SBNO1: variants seen among roughly 807,000 people sequenced by gnomAD.
The protein encoded by SBNO1 is protein strawberry notch homolog 1.
Under a neutral mutation model 173.6 loss-of-function variants are expected in SBNO1, and 23 were observed. The ratio of observed to expected loss-of-function variants is 0.13; its 90% CI spans 0.10 to 0.19. SBNO1 has a LOEUF of 0.19. SBNO1 is among the 10% of genes least tolerant of loss of function. The pLI, the probability that SBNO1 is intolerant of heterozygous loss-of-function variation, is 1.00. For missense variants in SBNO1, 1,238 were observed against 1,671.2 expected, an observed-to-expected ratio of 0.74 and a Z score of 4.52; for synonymous variants, 632 against 571.5, an observed-to-expected ratio of 1.11 and a Z score of -1.51.
At chr12:123,341,322 AC>A (rs1444773092) in intron 4 of SBNO1, among the ~76,000 whole-genome samples, 1 of 151,820 alleles carries the variant, frequency 6.6e-6, no homozygotes, top group Non-Finnish European at 1.5e-5. Flanking sequence ...GGTGGCGGGC[AC>A]CTGTAATCCC....
In SBNO1 at chr12:123,294,292, T is replaced by TA. The variant is rs2048553375; in HGVS notation, c.*1615dup. ...AGCTTTCAGCCAGGTTTGTCAGTTT[T>TA]AACACACATCTCACCCAATTCTGCA... is the stretch of plus-strand genomic sequence containing the variant. On this transcript the variant is annotated 3_prime_UTR_variant, in exon 32 of 32. Transcript: ENST00000602398. 6.6e-6 allele frequency: 1 copy of TA among 152,200 alleles called. No homozygotes were observed. The highest frequency in any genetic ancestry group is 1.5e-5 in the Non-Finnish European group (1 of 68,052). The allele number at this position is 152,200 out of a possible 1,614,324, so 9.4% of individuals were successfully genotyped here. A position where few individuals can be genotyped will look rare whatever the true frequency, so the allele number is the denominator to read the frequency against.
At chr12:123,305,102 A>C (rs2048881759) in intron 28 of SBNO1, among the ~76,000 whole-genome samples, 1 of 152,262 alleles carries the variant, frequency 6.6e-6, no homozygotes, top group Admixed American at 6.5e-5. Flanking sequence ...AGTGGAATCC[A>C]GGCAGTAGGC....
chr12:123,298,264 TC>T, intron 30 of SBNO1, 93 bp from the exon 31 acceptor site: 5 of 1,283,498 alleles, frequency 3.9e-6, no homozygotes, highest in South Asian at 1.4e-5. Context: ...AAATTTCTTT[TC>T]TTTTCTTTTT....
At chr12:123,329,959 G>T (rs1593373340) in intron 9 of SBNO1, among the ~76,000 whole-genome samples, 1 of 152,156 alleles carries the variant, frequency 6.6e-6, no homozygotes. Flanking sequence ...GTGAGCAGAG[G>T]TATGAGTAAC....
intron 1 of SBNO1, among the ~76,000 whole-genome samples, chr12:123,361,196 A>T (rs1042381705): frequency 6.6e-6 from 1 of 152,022 alleles, no homozygotes; most frequent in Non-Finnish European, 1.5e-5. Flanking sequence ...GTGAGCAGAG[A>T]TCACACCACT....
At chr12:123,305,726 G>A (rs1236420585) in intron 28 of SBNO1, among the ~76,000 whole-genome samples, 2 of 152,078 alleles carry the variant, frequency 1.3e-5, no homozygotes, top group Admixed American at 1.3e-4. Flanking sequence ...ACCCGCCCCG[G>A]CCTCCCAAAG....
chr12:123,324,668 A>G (rs1291179103), intron 15 of SBNO1, among the ~76,000 whole-genome samples: 1 of 152,204 alleles, frequency 6.6e-6, no homozygotes, highest in Non-Finnish European at 1.5e-5. Flanking sequence ...ATAGTAGAGC[A>G]GCAAGTTTAT....
Position 123,349,410 on chromosome 12 carries a change from AC to A in SBNO1, c.132+899del, listed in dbSNP as rs548100424. ...AGACACTATGCCCAGCCAGAATCTT[AC>A]GTTTTTGCTTTCAGAGAATGTATAT... On this transcript the variant is annotated intron_variant, in intron 2 of 31. Coordinates refer to ENST00000602398, the MANE Select transcript of SBNO1 (RefSeq NM_001167856.3). Among the ~76,000 whole-genome samples, 966 of 152,244 alleles carry A rather than the reference AC, an allele frequency of 6.3e-3. 6 individuals are homozygous for A. Among genetic ancestry groups the A allele is most frequent in the South Asian group, 0.011 (53 of 4,820 alleles).
intron 30 of SBNO1, among the ~76,000 whole-genome samples, chr12:123,300,484 C>T (rs1035050870): frequency 1.3e-4 from 19 of 151,616 alleles, no homozygotes; most frequent in Middle Eastern, 3.4e-3. Flanking sequence ...GGTGAAACCC[C>T]GTCTCTACTA....
At chr12:123,352,043 C>A (rs1389595860) in intron 1 of SBNO1, among the ~76,000 whole-genome samples, 1 of 151,858 alleles carries the variant, frequency 6.6e-6, no homozygotes, top group Non-Finnish European at 1.5e-5. Context: ...CAACTATAAT[C>A]TCAGGGGCCA....
chr12:123,338,599 T>C (rs1872139366), intron 5 of SBNO1, among the ~76,000 whole-genome samples: 2 of 152,150 alleles, frequency 1.3e-5, no homozygotes, highest in African/African-American at 2.4e-5. Flanking sequence ...GGAAGAGAAT[T>C]GCTTGAGCCC....
chr12:123,333,095 G>A (rs1196639027), intron 7 of SBNO1, among the ~76,000 whole-genome samples: 1 of 148,088 alleles, frequency 6.8e-6, no homozygotes, highest in Admixed American at 6.9e-5. Context: ...TTGCACTCCA[G>A]CCTGGACGAC....
chr12:123,345,144 CAT>C lies in SBNO1; in HGVS notation c.550+112_550+113del, dbSNP rs559730052. 146 of 844,692 alleles carry C rather than the reference CAT, an allele frequency of 1.7e-4. 1 individual carries two copies. The African/African-American group carries it at 2.3e-3, about 13-fold the overall frequency. The allele number at this position is 844,692 out of a possible 1,614,324, so 52.3% of individuals were successfully genotyped here. On this transcript the variant is annotated intron_variant, in intron 4 of 31. Coordinates refer to ENST00000602398, the MANE Select transcript of SBNO1 (RefSeq NM_001167856.3). The stretch of plus-strand genomic sequence containing the variant: ...AAGACTGTAAGTACGCAAAATAATG[CAT>C]ATAACACCCTTTTATGGCCAGTTCT...
chr12:123,341,899 T>A (rs1270562381), intron 4 of SBNO1, among the ~76,000 whole-genome samples: 3 of 151,922 alleles, frequency 2.0e-5, no homozygotes, highest in Non-Finnish European at 4.4e-5. Flanking sequence ...AAGTAAAGAA[T>A]TAACTTTAGA....
chr12:123,363,873 A>T (rs1875716681), intron 1 of SBNO1: 1 of 985,642 alleles, frequency 1.0e-6, no homozygotes, highest in African/African-American at 1.7e-5. Flanking sequence ...AGGGTCAGGA[A>T]AGAAACAATC....
intron 4 of SBNO1, among the ~76,000 whole-genome samples, chr12:123,341,530 A>T (rs1463190331): frequency 2.0e-5 from 3 of 152,124 alleles, no homozygotes; most frequent in African/African-American, 7.2e-5. Flanking sequence ...ATTTATTTTT[A>T]TTTATTTATT....
intron 25 of SBNO1, 23 bp from the exon 26 acceptor site, chr12:123,309,879 T>C (rs754993550): frequency 1.4e-5 from 21 of 1,541,112 alleles, no homozygotes; most frequent in Non-Finnish European, 1.7e-5. Context: ...AAGATAAACG[T>C]TTTCATGCAA....
At chr12:123,315,321 AG>A in intron 23 of SBNO1, 51 bp downstream of exon 23, 1 of 1,388,660 alleles carries the variant, frequency 7.2e-7, no homozygotes. Flanking sequence ...TGTTCCCGAA[AG>A]ACACCATACA....
intron 1 of SBNO1, among the ~76,000 whole-genome samples, chr12:123,362,768 CA>C (rs10587512): frequency 2.7e-3 from 205 of 76,456 alleles, no homozygotes; most frequent in East Asian, 6.5e-3. Context: ...GACTCCGCCT[CA>C]AAAAAAAAAA....
Sources: allele counts gnomAD v4.1 joint callset (sites outside exome capture counted in the v4.1 genomes callset), GRCh38; gene constraint gnomAD v4.1.1; transcripts MANE v1.5; gene names NCBI Gene and HGNC (gene_info 2026-07-23, HGNC 2026-07-21).